The following TOMM20 variants were observed in gnomAD, a reference collection of about 807,000 sequenced individuals.
TOMM20 encodes translocase of outer mitochondrial membrane 20.
TOMM20 carries 10 observed loss-of-function variants against 22.1 expected under a neutral mutation model. The observed-to-expected ratio is 0.45, with a 90% confidence interval of 0.28 to 0.77. TOMM20 has a LOEUF of 0.77. Ranked by LOEUF, TOMM20 falls within the 30% of genes least tolerant of loss-of-function variation. The pLI is 0.13. For missense variants in TOMM20, 121 were observed against 172.2 expected, an observed-to-expected ratio of 0.70 and a Z score of 1.66; for synonymous variants, 55 against 61.4, an observed-to-expected ratio of 0.90 and a Z score of 0.49.
chr1:235,117,780 A>G (rs930701101), intron 3 of TOMM20, among the ~76,000 whole-genome samples: 7 of 152,234 alleles, frequency 4.6e-5, no homozygotes, highest in African/African-American at 1.4e-4. Context: ...AAGGTTTCCA[A>G]GAGCTTTCTT....
At chr1:235,125,635 T>C (rs1310585129) in intron 1 of TOMM20, among the ~76,000 whole-genome samples, 1 of 152,044 alleles carries the variant, frequency 6.6e-6, no homozygotes, top group Non-Finnish European at 1.5e-5. Context: ...GAACTCAAAA[T>C]TTAAAAAAAA....
In TOMM20 at chr1:235,110,058, G is replaced by A. The variant is rs1021638953; in HGVS notation, c.*2006C>T. 10 of 152,132 alleles carry A rather than the reference G, an allele frequency of 6.6e-5. No homozygotes were observed. The highest frequency in any genetic ancestry group is 2.6e-4 in the Admixed American group (4 of 15,276). 9.4% of individuals were successfully genotyped at this position (152,132 alleles called of 1,614,324 possible). A position where few individuals can be genotyped will look rare whatever the true frequency, so the allele number is the denominator to read the frequency against. On this transcript the variant is annotated 3_prime_UTR_variant, in exon 5 of 5. Coordinates refer to ENST00000366607, the MANE Select transcript of TOMM20 (RefSeq NM_014765.3). ...TTAAAAAGTGGTACCTCATTTTAAAGCACCAAAGTTGTCATTTAAATAAGA... is the reference window on the plus strand; with the variant it reads ...TTAAAAAGTGGTACCTCATTTTAAAACACCAAAGTTGTCATTTAAATAAGA...
At chr1:235,116,769 C>A (rs973442214) in intron 3 of TOMM20, among the ~76,000 whole-genome samples, 2 of 152,090 alleles carry the variant, frequency 1.3e-5, no homozygotes, top group Non-Finnish European at 2.9e-5. Context: ...CCATTAAGAT[C>A]ATTTTTTACT....
chr1:235,109,689 C>CT lies in TOMM20; in HGVS notation c.*2374dup, dbSNP rs921006257. The CT allele has an allele frequency of 6.6e-6, 1 of 152,220 alleles. No homozygotes were observed. The highest frequency in any genetic ancestry group is 2.4e-5 in the African/African-American group (1 of 41,462). 9.4% of individuals were successfully genotyped at this position (152,220 alleles called of 1,614,324 possible). ...GCCAGCATTGCTACAGCCAGTAAGT[C>CT]TATGTTTTCAATGTTCTTTCGCTTT... On this transcript the variant is annotated 3_prime_UTR_variant, in exon 5 of 5. Transcript: ENST00000366607.
rs549485417 is a variant in TOMM20, at chr1:235,110,308, T to G, written c.*1756A>C. On this transcript the variant is annotated 3_prime_UTR_variant, in exon 5 of 5. Coordinates refer to ENST00000366607, the MANE Select transcript of TOMM20 (RefSeq NM_014765.3). ...TTTCCTTGCTGAGCTATCTGCCCCT[T>G]GCTCCCTTTCCCACCCCTGTTCTCC... is the stretch of plus-strand genomic sequence containing the variant. The G allele has an allele frequency of 6.6e-6, 1 of 152,414 alleles. No homozygotes were observed. The highest frequency in any genetic ancestry group is 1.9e-4 in the East Asian group (1 of 5,194). 9.4% of individuals were successfully genotyped at this position (152,414 alleles called of 1,614,324 possible).
At chr1:235,117,389 C>T (rs1369624094) in intron 3 of TOMM20, among the ~76,000 whole-genome samples, 4 of 148,202 alleles carry the variant, frequency 2.7e-5, no homozygotes, top group African/African-American at 5.0e-5. Context: ...ACCCGGGAGG[C>T]AGAGGTTGCA....
At position 235,110,808 on chromosome 1, in the gene TOMM20, T is replaced by C. The variant is rs1005839509; in HGVS notation, c.*1256A>G. ...GACAGAACAAAGGCAATCTTTACAA[T>C]GAGAAATGCTCCTCAGTTCAACAGA... On this transcript the variant is annotated 3_prime_UTR_variant, in exon 5 of 5. Coordinates refer to ENST00000366607, the MANE Select transcript of TOMM20 (RefSeq NM_014765.3). The C allele has an allele frequency of 4.6e-5, 7 of 152,346 alleles. 1 individual carries two copies. The allele number at this position is 152,346 out of a possible 1,614,324, so 9.4% of individuals were successfully genotyped here.
chr1:235,119,550 T>C, intron 3 of TOMM20: 1 of 275,924 alleles, frequency 3.6e-6, no homozygotes, highest in Admixed American at 5.0e-5. Flanking sequence ...AAAAACTTAC[T>C]ATCTTCTACA....
intron 3 of TOMM20, among the ~76,000 whole-genome samples, chr1:235,115,335 T>A (rs1660811763): frequency 6.6e-6 from 1 of 152,110 alleles, no homozygotes; most frequent in African/African-American, 2.4e-5. Context: ...GATATACTTT[T>A]AAAAAATAAT....
chr1:235,126,145 A>G (rs1424300361), intron 1 of TOMM20, among the ~76,000 whole-genome samples: 1 of 151,600 alleles, frequency 6.6e-6, no homozygotes, highest in African/African-American at 2.4e-5. Context: ...ACACACACGT[A>G]TATTTTGGAG....
At chr1:235,125,091 CT>C (rs1660988811) in intron 1 of TOMM20, among the ~76,000 whole-genome samples, 1 of 151,622 alleles carries the variant, frequency 6.6e-6, no homozygotes, top group South Asian at 2.1e-4. Flanking sequence ...ATGATAAAAA[CT>C]ACACCTCAAG....
intron 3 of TOMM20, among the ~76,000 whole-genome samples, chr1:235,116,536 CA>C (rs560203194): frequency 2.0e-3 from 237 of 120,534 alleles, no homozygotes; most frequent in Non-Finnish European, 2.2e-3. Flanking sequence ...GACTCCATCT[CA>C]AAAAAAAAAA....
In TOMM20 at chr1:235,112,083, G is replaced by C; in HGVS notation, c.419C>G (p.Ala140Gly). The change falls in exon 5 of 5, where the codon GCT (alanine) becomes GGT (glycine). Residue 140 changes from alanine to glycine, a missense_variant. Transcript: ENST00000366607. The stretch of plus-strand genomic sequence containing the variant: ...TGTTTCTCATTCCACATCATCTTCA[G>C]CCAAGCTCTGAGCACTTACAATTCT... The part of the protein sequence containing the change: ...SQRIVSAQSL[A>G]EDDVE 1 of 1,607,412 alleles carries C rather than the reference G, an allele frequency of 6.2e-7. No homozygotes were observed. Among genetic ancestry groups the C allele is most frequent in the Non-Finnish European group, 8.5e-7 (1 of 1,177,750 alleles).
chr1:235,119,446 T>C (rs972676294), intron 3 of TOMM20: 1 of 156,764 alleles, frequency 6.4e-6, no homozygotes, highest in Non-Finnish European at 1.4e-5. Context: ...AGTTGAGGAG[T>C]ATATTCCTAG....
chr1:235,112,659 TAAAACCAA>T (rs1363691836), intron 4 of TOMM20, among the ~76,000 whole-genome samples: 1 of 152,148 alleles, frequency 6.6e-6, no homozygotes, highest in Non-Finnish European at 1.5e-5. Context: ...ATTATGTAAC[TAAAACCAA>T]AAAGATTTTA....
rs183196325 is a variant in TOMM20, at chr1:235,113,729, T to C, written c.393+39A>G. The C allele has an allele frequency of 3.2e-4, 495 of 1,571,306 alleles. 2 individuals carry two copies. The African/African-American group carries it at 6.2e-3, about 20-fold the overall frequency. Reference sequence around the variant, plus strand: ...ATGTCCCTAATCATTCGATTCTAAATCCCACTCACTTTTATGTCATAACAT... The same window carrying C: ...ATGTCCCTAATCATTCGATTCTAAACCCCACTCACTTTTATGTCATAACAT... On this transcript the variant is annotated intron_variant, in intron 4 of 4. Transcript: ENST00000366607.
intron 1 of TOMM20, among the ~76,000 whole-genome samples, chr1:235,123,521 A>G (rs1326522453): frequency 6.6e-6 from 1 of 152,156 alleles, no homozygotes; most frequent in African/African-American, 2.4e-5. Context: ...CAGAAGGTTC[A>G]TTTACTATGG....
At chr1:235,115,441 A>C (rs1660812927) in intron 3 of TOMM20, among the ~76,000 whole-genome samples, 1 of 152,038 alleles carries the variant, frequency 6.6e-6, no homozygotes, top group African/African-American at 2.4e-5. Flanking sequence ...AGCCTGACTG[A>C]CATGGTGAAA....
At position 235,126,090 on chromosome 1, in the gene TOMM20, AAGAT is replaced by A. The variant is rs932009826; in HGVS notation, c.121+2501_121+2504del. On this transcript the variant is annotated intron_variant, in intron 1 of 4. Coordinates refer to ENST00000366607, the MANE Select transcript of TOMM20 (RefSeq NM_014765.3). ...GATTAGATAGATAGATAGATAGATA[AAGAT>A]AGATAGATATAGATATAAATATATA... Among the ~76,000 whole-genome samples, 844 of 150,184 alleles carry A rather than the reference AAGAT, an allele frequency of 5.6e-3. 7 individuals are homozygous for A. Among genetic ancestry groups the A allele is most frequent in the African/African-American group, 0.02 (799 of 40,732 alleles).
Sources: gnomAD v4.1 joint callset for allele counts (sites outside exome capture counted in the v4.1 genomes callset) on GRCh38, gnomAD v4.1.1 for gene constraint, MANE v1.5 for transcripts, NCBI Gene and HGNC (gene_info 2026-07-23, HGNC 2026-07-21) for gene names.